SPAG16: variants seen among roughly 807,000 people sequenced by gnomAD.
SPAG16 encodes sperm-associated antigen 16 protein.
In SPAG16, 86 loss-of-function variants were observed where a neutral mutation model predicts 80.4. The ratio of observed to expected loss-of-function variants is 1.07; its 90% confidence interval spans 0.90 to 1.28. The LOEUF (loss-of-function observed/expected upper bound fraction) is 1.28, where lower values mean the gene tolerates loss of function less well. Among genes scored for constraint, SPAG16 ranks in the 50% most tolerant of loss-of-function variants. The pLI is 0.00. For synonymous variants in SPAG16, 294 were observed against 265.9 expected (o/e 1.11, Z -1.03); for missense variants, 870 against 765.3 (o/e 1.14, Z -1.61).
chr2:214,189,037 T>C (rs980025196), intron 15 of SPAG16, among the ~76,000 whole-genome samples: 7 of 152,130 alleles, frequency 4.6e-5, no homozygotes, highest in Non-Finnish European at 1.0e-4. Flanking sequence ...TTTTTACCTT[T>C]TAGTTGGGTG....
chr2:213,292,125 A>T (rs1188320390), intron 1 of SPAG16, among the ~76,000 whole-genome samples: 3 of 152,134 alleles, frequency 2.0e-5, no homozygotes, highest in Non-Finnish European at 2.9e-5. Context: ...TCCTCATATA[A>T]TCTTATCAGC....
chr2:214,195,728 G>A (rs186649004), intron 15 of SPAG16, among the ~76,000 whole-genome samples: 1 of 152,080 alleles, frequency 6.6e-6, no homozygotes, highest in Admixed American at 6.6e-5. Context: ...AGGGAAATCA[G>A]CAGTTCATGT....
chr2:213,738,759 T>C (rs2067411025), intron 10 of SPAG16, among the ~76,000 whole-genome samples: 2 of 152,334 alleles, frequency 1.3e-5, no homozygotes, highest in South Asian at 4.1e-4. Context: ...CAACTCTCCG[T>C]TCTTTTTTAA....
intron 10 of SPAG16, among the ~76,000 whole-genome samples, chr2:213,495,295 T>A (rs540343740): frequency 5.8e-4 from 88 of 152,344 alleles, no homozygotes; most frequent in African/African-American, 1.6e-3. Context: ...CTGTTGACTT[T>A]GAAAGTTCTA....
intron 5 of SPAG16, among the ~76,000 whole-genome samples, chr2:213,338,278 A>T (rs186073404): frequency 8.7e-4 from 133 of 152,348 alleles, no homozygotes; most frequent in Admixed American, 3.1e-3. Context: ...AAGTACACAG[A>T]CCAGTGACAA....
chr2:214,400,050 G>C (rs4479427), intron 15 of SPAG16, among the ~76,000 whole-genome samples: 49,628 of 151,828 alleles, frequency 0.33, 9,664 homozygotes, highest in South Asian at 0.49. Flanking sequence ...ACATTTTTAG[G>C]ACTTTAGGTG....
At chr2:214,123,027 TTTTTG>T (rs1422578979) in intron 14 of SPAG16, among the ~76,000 whole-genome samples, 2 of 152,052 alleles carry the variant, frequency 1.3e-5, no homozygotes, top group African/African-American at 4.8e-5. Context: ...GCCTTAATAC[TTTTTG>T]TACTTTGGAA....
intron 11 of SPAG16, among the ~76,000 whole-genome samples, chr2:213,903,005 A>G (rs1430000341): frequency 4.6e-5 from 7 of 152,218 alleles, no homozygotes. Context: ...CATTCAGGTC[A>G]TGCTGATATA....
intron 10 of SPAG16, among the ~76,000 whole-genome samples, chr2:213,547,054 G>A (rs2076635150): frequency 6.6e-6 from 1 of 152,054 alleles, no homozygotes; most frequent in African/African-American, 2.4e-5. Context: ...TTAAAATAAT[G>A]TATTTTATTG....
chr2:213,920,557 T>C (rs76752233), intron 11 of SPAG16, among the ~76,000 whole-genome samples: 2,077 of 152,224 alleles, frequency 0.014, 87 homozygotes, highest in East Asian at 0.093. Context: ...GGCTGCCCCA[T>C]TGGACCTCTC....
intron 13 of SPAG16, among the ~76,000 whole-genome samples, chr2:214,019,074 G>GT (rs57433486): frequency 0.4 from 61,220 of 151,744 alleles, 12,684 homozygotes; most frequent in South Asian, 0.69. Flanking sequence ...CTTCAAAGTT[G>GT]AAGACTATTT....
intron 15 of SPAG16, among the ~76,000 whole-genome samples, chr2:214,321,564 T>C (rs1374639912): frequency 6.6e-6 from 1 of 152,244 alleles, no homozygotes; most frequent in Non-Finnish European, 1.5e-5. Flanking sequence ...CAAATTGTTC[T>C]AATTTACTTA....
intron 10 of SPAG16, among the ~76,000 whole-genome samples, chr2:213,511,190 A>C (rs1443772896): frequency 6.6e-6 from 1 of 152,132 alleles, no homozygotes; most frequent in African/African-American, 2.4e-5. Flanking sequence ...TGACATTCAG[A>C]CTGACTTGGC....
At chr2:214,271,942 G>A (rs1692059099) in intron 15 of SPAG16, among the ~76,000 whole-genome samples, 1 of 151,688 alleles carries the variant, frequency 6.6e-6, no homozygotes, top group Non-Finnish European at 1.5e-5. Flanking sequence ...GTTAAGCTTT[G>A]AAGAGTTTTA....
intron 10 of SPAG16, among the ~76,000 whole-genome samples, chr2:213,777,216 G>A (rs568476720): frequency 2.3e-4 from 34 of 145,172 alleles, no homozygotes; most frequent in African/African-American, 8.1e-4. Flanking sequence ...TCATTCTTCA[G>A]CAAGTGTCCA....
intron 10 of SPAG16, among the ~76,000 whole-genome samples, chr2:213,600,711 TTAAGCATGCA>T (rs1574449847): frequency 6.6e-6 from 1 of 152,224 alleles, no homozygotes; most frequent in East Asian, 1.9e-4. Context: ...CTTAGTGACA[TTAAGCATGCA>T]TATTCCTTGG....
chr2:214,323,184 C>A (rs965330315), intron 15 of SPAG16, among the ~76,000 whole-genome samples: 1 of 152,036 alleles, frequency 6.6e-6, no homozygotes, highest in Non-Finnish European at 1.5e-5. Context: ...ATATAAAAAG[C>A]CTGTTCTTTC....
intron 5 of SPAG16, among the ~76,000 whole-genome samples, chr2:213,321,858 G>A (rs1188691393): frequency 6.6e-6 from 1 of 151,988 alleles, no homozygotes; most frequent in East Asian, 1.9e-4. Context: ...TCCCATACTG[G>A]ATATTGAAGA....
intron 10 of SPAG16, among the ~76,000 whole-genome samples, chr2:213,527,841 T>C (rs1333381728): frequency 6.6e-6 from 1 of 152,206 alleles, no homozygotes; most frequent in African/African-American, 2.4e-5. Context: ...CACCCATCTG[T>C]ATATTTCTTG....
Sources: allele counts gnomAD v4.1 joint callset (sites outside exome capture counted in the v4.1 genomes callset), GRCh38; gene constraint gnomAD v4.1.1; transcripts MANE v1.5; gene names NCBI Gene and HGNC (gene_info 2026-07-23, HGNC 2026-07-21).